Variants in SYNE1 observed in about 807,000 individuals in gnomAD.
SYNE1 encodes nesprin-1.
SYNE1 carries 616 observed loss-of-function variants against 1,111.0 expected under a neutral mutation model. That is an observed-to-expected ratio of 0.55 (90% confidence interval 0.52 to 0.59). SYNE1 has a LOEUF of 0.59. Among genes scored for constraint, SYNE1 ranks in the 20% least tolerant of loss-of-function variants. The pLI, the probability that SYNE1 is intolerant of heterozygous loss-of-function variation, is 0.00. For synonymous variants in SYNE1, 3,855 were observed against 3,825.8 expected (o/e 1.01, Z -0.28); for missense variants, 10,006 against 10,417.0 (o/e 0.96, Z 1.72).
chr6:152,179,941 C>T (rs1330389255), intron 129 of SYNE1, among the ~76,000 whole-genome samples, 195 bp downstream of exon 129: 1 of 151,952 alleles, frequency 6.6e-6, no homozygotes, highest in Non-Finnish European at 1.5e-5. Flanking sequence ...CCTCAGCCTC[C>T]CAAAGTGCTG....
rs544381935 is a variant in SYNE1, at chr6:152,312,271, G to A, written c.16711-1398C>T. On this transcript the variant is annotated intron_variant, in intron 87 of 145. Coordinates refer to ENST00000367255, the MANE Select transcript of SYNE1 (RefSeq NM_182961.4). The stretch of plus-strand genomic sequence containing the variant: ...GTTGCCCAGGCTGGAGTGCAATGGC[G>A]TGATCTCGGCTCACTGCAACCTGCA... Among the ~76,000 whole-genome samples the A allele has an allele frequency of 1.4e-4, 21 of 147,158 alleles. No individual in the cohort carries two copies. The South Asian group carries it at 1.5e-3, about 10-fold the overall frequency.
intron 78 of SYNE1, among the ~76,000 whole-genome samples, chr6:152,327,611 G>A (rs1224192904): frequency 1.3e-5 from 2 of 152,280 alleles, no homozygotes; most frequent in Admixed American, 1.3e-4. Context: ...GGAAAGAACA[G>A]GGACAGCAAA....
At chr6:152,590,742 A>T (rs1376916630) in intron 3 of SYNE1, among the ~76,000 whole-genome samples, 1 of 152,188 alleles carries the variant, frequency 6.6e-6, no homozygotes, top group Non-Finnish European at 1.5e-5. Context: ...TGCTTATGCT[A>T]GTTCTCTGCC....
At chr6:152,295,459 T>G (rs1266559123) in intron 93 of SYNE1, among the ~76,000 whole-genome samples, 1 of 152,204 alleles carries the variant, frequency 6.6e-6, no homozygotes, top group Admixed American at 6.5e-5. Context: ...TATGCTGTCA[T>G]CGCTCAGCTG....
chr6:152,627,153 A>G (rs2099687344), intron 3 of SYNE1, among the ~76,000 whole-genome samples: 1 of 152,208 alleles, frequency 6.6e-6, no homozygotes, highest in South Asian at 2.1e-4. Context: ...GGCTTATGAC[A>G]TTGAATATAT....
intron 138 of SYNE1, among the ~76,000 whole-genome samples, chr6:152,142,708 A>G (rs2058745366): frequency 6.6e-6 from 1 of 152,254 alleles, no homozygotes; most frequent in African/African-American, 2.4e-5. Flanking sequence ...ATTTTTAAAA[A>G]GTGGTTTCAC....
intron 5 of SYNE1, among the ~76,000 whole-genome samples, chr6:152,522,813 T>C (rs984607137): frequency 7.9e-5 from 12 of 152,120 alleles, no homozygotes; most frequent in African/African-American, 2.7e-4. Context: ...CTAGTTATGT[T>C]GTACATTTTT....
chr6:152,523,838 A>T (rs1423885691), intron 5 of SYNE1, among the ~76,000 whole-genome samples: 2 of 152,054 alleles, frequency 1.3e-5, no homozygotes, highest in African/African-American at 4.8e-5. Flanking sequence ...TGATACTGAT[A>T]TTATTCTCGG....
rs148042335 is a variant in SYNE1 at position 152,557,209 on chromosome 6, T to C, written c.68-17188A>G. Among the ~76,000 whole-genome samples the C allele has an allele frequency of 2.4e-3, 361 of 151,744 alleles. 1 individual carries two copies. Among genetic ancestry groups the C allele is most frequent in the African/African-American group, 8.4e-3 (347 of 41,402 alleles). ...AGCTTCGACAGTAGGTTCAATCAAATAGAAGAAAGAATCAGAAAGCTTGAA... is the reference window on the plus strand; with the variant it reads ...AGCTTCGACAGTAGGTTCAATCAAACAGAAGAAAGAATCAGAAAGCTTGAA... On this transcript the variant is annotated intron_variant, in intron 3 of 145. Coordinates refer to ENST00000367255, the MANE Select transcript of SYNE1 (RefSeq NM_182961.4).
At chr6:152,562,423 G>C (rs1202037097) in intron 3 of SYNE1, among the ~76,000 whole-genome samples, 1 of 152,090 alleles carries the variant, frequency 6.6e-6, no homozygotes, top group Non-Finnish European at 1.5e-5. Flanking sequence ...GTGGAGAAAA[G>C]GGAACCCTTG....
At chr6:152,493,919 C>A (rs185677435) in intron 11 of SYNE1, among the ~76,000 whole-genome samples, 2 of 152,206 alleles carry the variant, frequency 1.3e-5, no homozygotes, top group Non-Finnish European at 2.9e-5. Context: ...TTTCCCCACT[C>A]GTCTTTCCGT....
At chr6:152,209,515 C>T (rs909905172) in intron 124 of SYNE1, among the ~76,000 whole-genome samples, 1 of 151,968 alleles carries the variant, frequency 6.6e-6, no homozygotes, top group Non-Finnish European at 1.5e-5. Context: ...CTTGGGAGGC[C>T]GAGGTGGGTG....
chr6:152,577,926 G>A (rs551817511), intron 3 of SYNE1, among the ~76,000 whole-genome samples: 132 of 152,116 alleles, frequency 8.7e-4, no homozygotes, highest in African/African-American at 3.0e-3. Context: ...AATGTTTCTT[G>A]GAATAACAAA....
Position 152,242,349 on chromosome 6 carries a change from AG to A in SYNE1, c.19783del (p.Leu6595TyrfsTer8). Reference sequence around the variant, plus strand: ...TTCTAGCAGGTCAGCCAGATCTTGTAGGGCCCTCTCATACTGACTCTTGAGT... The same window carrying A: ...TTCTAGCAGGTCAGCCAGATCTTGTAGGCCCTCTCATACTGACTCTTGAGT... ...LTLKSQYERA[L>X]QDLADLLETG... On this transcript the variant is annotated frameshift_variant, in exon 107 of 146. Transcript: ENST00000367255. LOFTEE classifies it high-confidence loss of function. The A allele has an allele frequency of 6.2e-7, 1 of 1,613,816 alleles. No homozygotes were observed. Among genetic ancestry groups the A allele is most frequent in the Non-Finnish European group, 8.5e-7 (1 of 1,179,796 alleles).
intron 52 of SYNE1, 95 bp from the exon 53 acceptor site, chr6:152,390,547 T>C (rs765613367): frequency 2.2e-5 from 27 of 1,245,650 alleles, no homozygotes; most frequent in Non-Finnish European, 2.2e-5. Context: ...GAAGTAGGAA[T>C]ACTTTACTTA....
intron 51 of SYNE1, 142 bp from the exon 52 acceptor site, chr6:152,391,710 G>A: frequency 9.8e-7 from 1 of 1,018,520 alleles, no homozygotes. Flanking sequence ...TAAAGATGCT[G>A]GGAACTGACC....
intron 144 of SYNE1, among the ~76,000 whole-genome samples, chr6:152,131,409 G>T (rs960765807): frequency 2.7e-5 from 4 of 149,148 alleles, no homozygotes; most frequent in African/African-American, 9.8e-5. Flanking sequence ...AAAGTCAAAT[G>T]AAATCAAAAC....
chr6:152,303,516 T>G (rs139007541), intron 91 of SYNE1, among the ~76,000 whole-genome samples: 3 of 152,072 alleles, frequency 2.0e-5, no homozygotes, highest in Admixed American at 1.3e-4. Context: ...CATATACACA[T>G]GCACACACAC....
At chr6:152,634,980 T>C (rs1331403840) in intron 2 of SYNE1, among the ~76,000 whole-genome samples, 1 of 152,260 alleles carries the variant, frequency 6.6e-6, no homozygotes, top group Non-Finnish European at 1.5e-5. Context: ...GCTGGAGTTG[T>C]GAAAATGCCA....
Sources: gnomAD v4.1 joint callset for allele counts (sites outside exome capture counted in the v4.1 genomes callset) on GRCh38, gnomAD v4.1.1 for gene constraint, MANE v1.5 for transcripts, NCBI Gene and HGNC (gene_info 2026-07-23, HGNC 2026-07-21) for gene names.